The following UNC5D variants were observed in gnomAD, a reference collection of about 807,000 sequenced individuals.
UNC5D encodes the protein netrin receptor UNC5D.
In UNC5D, 39 loss-of-function variants were observed where a neutral mutation model predicts 105.4. That is an observed-to-expected ratio of 0.37 (90% CI 0.29 to 0.48). The LOEUF (loss-of-function observed/expected upper bound fraction) is 0.48, where lower values mean the gene tolerates loss of function less well. Among genes scored for constraint, UNC5D ranks in the 20% least tolerant of loss-of-function variants. The probability of loss-of-function intolerance (pLI) is 0.98; values close to 1 mark genes in which losing one functional copy is unlikely to be tolerated. For synonymous variants in UNC5D, 452 were observed against 450.4 expected, an observed-to-expected ratio of 1.00 and a Z score of -0.04; for missense variants, 991 against 1,202.4, an observed-to-expected ratio of 0.82 and a Z score of 2.60.
intron 1 of UNC5D, among the ~76,000 whole-genome samples, chr8:35,269,282 C>T (rs1805105681): frequency 1.3e-5 from 2 of 152,206 alleles, no homozygotes; most frequent in South Asian, 4.1e-4. Flanking sequence ...GCCAAGCGTG[C>T]TCTAGTCAGA....
chr8:35,726,622 A>T, intron 10 of UNC5D, 93 bp downstream of exon 10: 1 of 1,539,238 alleles, frequency 6.5e-7, no homozygotes. Context: ...TATGATGTTT[A>T]CTCTCCCCTC....
chr8:35,670,783 A>G (rs1586384184), intron 4 of UNC5D, among the ~76,000 whole-genome samples: 3 of 142,300 alleles, frequency 2.1e-5, no homozygotes, highest in African/African-American at 5.0e-5. Context: ...CCTTGATGAC[A>G]GGTTGATAGG....
chr8:35,624,930 G>A (rs1005658851), intron 4 of UNC5D, among the ~76,000 whole-genome samples: 5 of 151,980 alleles, frequency 3.3e-5, no homozygotes, highest in Admixed American at 6.6e-5. Flanking sequence ...TTTCAATTAC[G>A]GGAATGTTAA....
chr8:35,729,683 A>T (rs1829084326), intron 10 of UNC5D, among the ~76,000 whole-genome samples: 1 of 152,186 alleles, frequency 6.6e-6, no homozygotes, highest in Admixed American at 6.5e-5. Context: ...AGGCCCCTTC[A>T]TTTGGCAACT....
At chr8:35,348,413 G>A (rs1811958994) in intron 1 of UNC5D, among the ~76,000 whole-genome samples, 1 of 151,810 alleles carries the variant, frequency 6.6e-6, no homozygotes, top group South Asian at 2.1e-4. Flanking sequence ...GGGGAGTACA[G>A]GATAGGTGGA....
chr8:35,449,372 C>A (rs909003572), intron 1 of UNC5D, among the ~76,000 whole-genome samples: 2 of 152,118 alleles, frequency 1.3e-5, no homozygotes, highest in African/African-American at 4.8e-5. Context: ...AGCTTCTGCT[C>A]GTGGTCTCTG....
At chr8:35,772,380 A>G (rs927049149) in intron 15 of UNC5D, among the ~76,000 whole-genome samples, 2 of 152,212 alleles carry the variant, frequency 1.3e-5, no homozygotes, top group African/African-American at 2.4e-5. Context: ...AGTTTTCTCA[A>G]TTAACAGATT....
intron 1 of UNC5D, among the ~76,000 whole-genome samples, chr8:35,461,377 G>A (rs549030247): frequency 2.6e-4 from 39 of 152,136 alleles, no homozygotes; most frequent in Admixed American, 1.6e-3. Flanking sequence ...TGCTACACGC[G>A]TGTGAAAAAA....
intron 11 of UNC5D, among the ~76,000 whole-genome samples, chr8:35,740,876 A>AAAAT (rs2131606422): frequency 6.6e-6 from 1 of 152,240 alleles, no homozygotes; most frequent in East Asian, 1.9e-4. Context: ...TCCCCAGCCT[A>AAAAT]AAATAAAAGG....
chr8:35,252,569 A>G (rs1803780704), intron 1 of UNC5D, among the ~76,000 whole-genome samples: 1 of 152,128 alleles, frequency 6.6e-6, no homozygotes, highest in Non-Finnish European at 1.5e-5. Flanking sequence ...TTTCATCTGT[A>G]TTACTGCATT....
rs1044947812 is a variant in UNC5D at position 35,532,238 on chromosome 8, C to T, written c.104-17054C>T. Among the ~76,000 whole-genome samples, 209 of 150,524 alleles carry T rather than the reference C, an allele frequency of 1.4e-3. 1 individual carries two copies. Among genetic ancestry groups the T allele is most frequent in the African/African-American group, 4.7e-3 (191 of 40,788 alleles). ...CCTTCAGGAGGTCTTTTAGGGCAGG[C>T]CTGGTGGTGACAAAATCTCTCAGCA... On this transcript the variant is annotated intron_variant, in intron 1 of 16. Coordinates refer to ENST00000404895, the MANE Select transcript of UNC5D (RefSeq NM_080872.4).
chr8:35,545,655 AAAAAAAAAG>A (rs1815607626), intron 1 of UNC5D, among the ~76,000 whole-genome samples: 2 of 152,142 alleles, frequency 1.3e-5, no homozygotes, highest in South Asian at 4.1e-4. Flanking sequence ...CAAAGCCAAA[AAAAAAAAAG>A]ATTCTTATTT....
intron 1 of UNC5D, among the ~76,000 whole-genome samples, chr8:35,279,973 T>G (rs1395022153): frequency 1.3e-5 from 2 of 152,200 alleles, no homozygotes; most frequent in Non-Finnish European, 2.9e-5. Flanking sequence ...ATGAACATTA[T>G]AAAGAACTAC....
intron 1 of UNC5D, among the ~76,000 whole-genome samples, chr8:35,279,520 T>C (rs965699885): frequency 6.6e-6 from 1 of 152,220 alleles, no homozygotes; most frequent in African/African-American, 2.4e-5. Context: ...GTCAGCATTG[T>C]ATTTTTGTTG....
intron 15 of UNC5D, 83 bp from the exon 16 acceptor site, chr8:35,774,216 C>G (rs1802134257): frequency 3.3e-6 from 5 of 1,530,870 alleles, no homozygotes; most frequent in Non-Finnish European, 4.5e-6. Context: ...TGTGTGTTAA[C>G]CCAGATTTTC....
At chr8:35,749,700 C>T (rs1236790259) in intron 12 of UNC5D, among the ~76,000 whole-genome samples, 3 of 152,056 alleles carry the variant, frequency 2.0e-5, no homozygotes, top group East Asian at 3.8e-4. Context: ...TGTTTTAGTC[C>T]TCTTCCCATT....
chr8:35,738,676 G>A (rs1227635981), intron 11 of UNC5D, among the ~76,000 whole-genome samples: 1 of 152,140 alleles, frequency 6.6e-6, no homozygotes, highest in Non-Finnish European at 1.5e-5. Context: ...TACTTTAAAG[G>A]TACATCATAT....
intron 4 of UNC5D, among the ~76,000 whole-genome samples, chr8:35,668,707 A>C (rs901491924): frequency 6.6e-6 from 1 of 152,102 alleles, no homozygotes; most frequent in African/African-American, 2.4e-5. Context: ...AAGTTAACAG[A>C]GTAGGAAAGT....
At chr8:35,346,097 A>G (rs1030150201) in intron 1 of UNC5D, among the ~76,000 whole-genome samples, 1 of 152,028 alleles carries the variant, frequency 6.6e-6, no homozygotes, top group Non-Finnish European at 1.5e-5. Flanking sequence ...TCCAGTCTGT[A>G]TATTCCCTGG....
Sources: gnomAD v4.1 joint callset for allele counts (sites outside exome capture counted in the v4.1 genomes callset) on GRCh38, gnomAD v4.1.1 for gene constraint, MANE v1.5 for transcripts, NCBI Gene and HGNC (gene_info 2026-07-23, HGNC 2026-07-21) for gene names.